CDH20: variants seen among roughly 807,000 people sequenced by gnomAD.
CDH20 encodes the protein cadherin-20.
CDH20 carries 29 observed loss-of-function variants against 74.2 expected under a neutral mutation model. The observed-to-expected ratio is 0.39, with a 90% CI of 0.29 to 0.53. CDH20 has a LOEUF of 0.53. CDH20 is among the 20% of genes least tolerant of loss of function. CDH20 has a pLI of 0.69. For missense variants in CDH20, 988 were observed against 1,048.3 expected (o/e 0.94, Z 0.79); for synonymous variants, 469 against 405.4 (o/e 1.16, Z -1.88).
chr18:61,420,580 T>C (rs1912840673), intron 1 of CDH20, among the ~76,000 whole-genome samples: 1 of 152,206 alleles, frequency 6.6e-6, no homozygotes, highest in South Asian at 2.1e-4. Flanking sequence ...ATTTGTTTAT[T>C]CTTTCAAAAA....
At chr18:61,347,559 C>CACACACAAAA (rs1910170987) in intron 1 of CDH20, among the ~76,000 whole-genome samples, 1 of 151,330 alleles carries the variant, frequency 6.6e-6, no homozygotes, top group African/African-American at 2.4e-5. Context: ...ACCACACACA[C>CACACACAAAA]ACACAAAAAC....
intron 1 of CDH20, among the ~76,000 whole-genome samples, chr18:61,465,796 C>T (rs1002532690): frequency 2.6e-5 from 4 of 151,508 alleles, no homozygotes; most frequent in African/African-American, 9.8e-5. Context: ...AACTTAGTGA[C>T]CCACCAAGAT....
At chr18:61,479,057 A>G (rs1471947379) in intron 1 of CDH20, among the ~76,000 whole-genome samples, 1 of 152,114 alleles carries the variant, frequency 6.6e-6, no homozygotes, top group African/African-American at 2.4e-5. Context: ...TAAAGTGTGG[A>G]AAAAATAGTT....
rs947206313 is a variant in CDH20, at chr18:61,470,976, T to C, written c.-152-19426T>C. 2.0e-5 allele frequency among the ~76,000 whole-genome samples: 3 copies of C among 151,988 alleles called. 1 individual carries two copies. In the East Asian group the frequency reaches 5.8e-4, roughly 29 times the overall value. On this transcript the variant is annotated intron_variant, in intron 1 of 11. Transcript: ENST00000262717. ...TGGAATGAAATACCACCAAGACGCA[T>C]TCTAAAGTGTAATTTTTCTGAAACA...
intron 1 of CDH20, among the ~76,000 whole-genome samples, chr18:61,450,311 T>C (rs1364054953): frequency 6.8e-6 from 1 of 146,268 alleles, no homozygotes; most frequent in Non-Finnish European, 1.5e-5. Context: ...ATAAGGAAAA[T>C]AAGTCTCAGA....
At chr18:61,459,660 A>G (rs1347339961) in intron 1 of CDH20, among the ~76,000 whole-genome samples, 1 of 151,872 alleles carries the variant, frequency 6.6e-6, no homozygotes, top group Non-Finnish European at 1.5e-5. Context: ...CTCAGGCCCC[A>G]CCCCGGGGTG....
At chr18:61,357,318 C>A (rs1910525951) in intron 1 of CDH20, among the ~76,000 whole-genome samples, 1 of 152,142 alleles carries the variant, frequency 6.6e-6, no homozygotes, top group Admixed American at 6.5e-5. Context: ...AATCAGAAAC[C>A]CATCTATAAT....
chr18:61,555,257 T>C lies in CDH20; in HGVS notation c.*562T>C. 2.2e-6 allele frequency: 2 copies of C among 909,584 alleles called. No individual in the cohort carries two copies. The highest frequency in any genetic ancestry group is 2.6e-6 in the Non-Finnish European group (2 of 782,908). The allele number at this position is 909,584 out of a possible 1,614,324, so 56.3% of individuals were successfully genotyped here. On this transcript the variant is annotated 3_prime_UTR_variant, in exon 12 of 12. Transcript: ENST00000262717. ...AACCCTTTTGAGACAAGGTTAAGACTGAATCAGCCTTGCATGGGGGTGGAT... is the reference window on the plus strand; with the variant it reads ...AACCCTTTTGAGACAAGGTTAAGACCGAATCAGCCTTGCATGGGGGTGGAT...
intron 4 of CDH20, 136 bp downstream of exon 4, chr18:61,500,638 G>A (rs954217999): frequency 4.7e-6 from 4 of 857,688 alleles, no homozygotes. Context: ...TTAGCTTTAG[G>A]ATTAAGAGAG....
rs559384914 is a variant in CDH20, at chr18:61,334,567, A to G, written c.-153+740A>G. 1.1e-4 allele frequency among the ~76,000 whole-genome samples: 16 copies of G among 152,286 alleles called. No homozygotes were observed. The South Asian group carries it at 3.3e-3, about 32-fold the overall frequency. On this transcript the variant is annotated intron_variant, in intron 1 of 11. Coordinates refer to ENST00000262717, the MANE Select transcript of CDH20 (RefSeq NM_031891.4). ...GGGGGCAAGGGGGTCAAATGGGGCT[A>G]AAGTTTCAGATTTGCAAAGAGAACG...
intron 1 of CDH20, among the ~76,000 whole-genome samples, chr18:61,361,729 A>G (rs926531870): frequency 2.0e-5 from 3 of 152,184 alleles, no homozygotes; most frequent in African/African-American, 7.2e-5. Flanking sequence ...ATAAATTTAA[A>G]ACTGTGGCTT....
chr18:61,396,627 A>G (rs939423283), intron 1 of CDH20, among the ~76,000 whole-genome samples: 1 of 152,198 alleles, frequency 6.6e-6, no homozygotes, highest in Non-Finnish European at 1.5e-5. Flanking sequence ...CAGGATGTGG[A>G]TACACGCTGC....
intron 1 of CDH20, among the ~76,000 whole-genome samples, chr18:61,334,642 C>G (rs547146306): frequency 7.2e-5 from 11 of 152,102 alleles, no homozygotes; most frequent in Admixed American, 1.3e-4. Context: ...ACTGCAGCAG[C>G]CTTTGCCTAG....
At position 61,335,378 on chromosome 18, in the gene CDH20, T is replaced by A. The variant is rs564801218; in HGVS notation, c.-153+1551T>A. The stretch of plus-strand genomic sequence containing the variant: ...CCAGGGTGCAGGCTTGGGCAGCTGA[T>A]GCAGCAGAAAGCTGGGCGAGGGTGT... On this transcript the variant is annotated intron_variant, in intron 1 of 11. Transcript: ENST00000262717. 1.1e-4 allele frequency among the ~76,000 whole-genome samples: 17 copies of A among 152,302 alleles called. No individual in the cohort carries two copies. The South Asian group carries it at 2.9e-3, about 26-fold the overall frequency.
intron 1 of CDH20, among the ~76,000 whole-genome samples, chr18:61,354,963 G>A (rs138426011): frequency 1.8e-4 from 28 of 152,286 alleles, no homozygotes; most frequent in Middle Eastern, 3.4e-3. Context: ...AGGCAATGCC[G>A]TAAAAAACTG....
intron 1 of CDH20, among the ~76,000 whole-genome samples, chr18:61,469,155 G>T (rs1191091301): frequency 6.6e-6 from 1 of 152,188 alleles, no homozygotes; most frequent in Non-Finnish European, 1.5e-5. Context: ...AAAAGGAAAT[G>T]CTATGTTTGT....
At chr18:61,384,685 T>A (rs1478505879) in intron 1 of CDH20, among the ~76,000 whole-genome samples, 1 of 152,100 alleles carries the variant, frequency 6.6e-6, no homozygotes, top group Non-Finnish European at 1.5e-5. Context: ...CCCCAAATAA[T>A]AACCAATTTT....
intron 6 of CDH20, among the ~76,000 whole-genome samples, chr18:61,522,278 G>T (rs1312544811): frequency 1.4e-5 from 2 of 144,842 alleles, no homozygotes; most frequent in African/African-American, 5.1e-5. Context: ...ACCAATAATA[G>T]ATAGAGAGCC....
At chr18:61,503,206 T>A in intron 5 of CDH20, 86 bp downstream of exon 5, 1 of 989,868 alleles carries the variant, frequency 1.0e-6, no homozygotes, top group African/African-American at 1.6e-5. Context: ...CCAGTTTGAG[T>A]TTCCTCATTA....
Sources: gnomAD v4.1 joint callset for allele counts (sites outside exome capture counted in the v4.1 genomes callset) on GRCh38, gnomAD v4.1.1 for gene constraint, MANE v1.5 for transcripts, NCBI Gene and HGNC (gene_info 2026-07-23, HGNC 2026-07-21) for gene names.